The following TXNDC11 variants were observed in gnomAD, a reference collection of about 807,000 sequenced individuals.
TXNDC11 encodes thioredoxin domain-containing protein 11.
In TXNDC11, 68 loss-of-function variants were observed where a neutral mutation model predicts 78.0. The observed-to-expected ratio is 0.87, with a 90% CI of 0.72 to 1.07. The LOEUF (loss-of-function observed/expected upper bound fraction) is 1.07. Among genes scored for constraint, TXNDC11 ranks in the 50% least tolerant of loss-of-function variants. TXNDC11 has a pLI of 0.00. For missense variants in TXNDC11, 1,389 were observed against 1,221.8 expected (o/e 1.14, Z -2.04); for synonymous variants, 571 against 495.2 (o/e 1.15, Z -2.03).
chr16:11,730,696 A>G lies in TXNDC11; in HGVS notation c.648T>C (p.Leu216=). ...ATTCTGATTGAGATGGGATGTAGAG[A>G]AGTGGTTTCATCACCCGGCGGACAA... ...EKFVRRVMKP[L]LYIPSQSELL... The change falls in exon 4 of 12, where the codon CTT becomes CTC. Residue 216 remains leucine, a synonymous_variant. Coordinates refer to ENST00000283033, the MANE Select transcript of TXNDC11 (RefSeq NM_015914.7). 1.2e-6 allele frequency: 2 copies of G among 1,613,830 alleles called. No homozygotes were observed. The highest frequency in any genetic ancestry group is 1.7e-6 in the Non-Finnish European group (2 of 1,179,834).
intron 11 of TXNDC11, among the ~76,000 whole-genome samples, chr16:11,682,330 T>C (rs1219404961): frequency 1.3e-5 from 2 of 152,248 alleles, no homozygotes; most frequent in African/African-American, 2.4e-5. Context: ...CCAACATCCT[T>C]ACATTAAAAG....
intron 5 of TXNDC11, among the ~76,000 whole-genome samples, chr16:11,702,652 T>G (rs1366411390): frequency 6.6e-6 from 1 of 152,224 alleles, no homozygotes; most frequent in Non-Finnish European, 1.5e-5. Flanking sequence ...CACTCTAGCC[T>G]GGGCAACAGA....
intron 7 of TXNDC11, among the ~76,000 whole-genome samples, chr16:11,692,617 A>G (rs1015588072): frequency 6.6e-5 from 10 of 152,192 alleles, no homozygotes; most frequent in African/African-American, 2.2e-4. Flanking sequence ...ATTCGTGTGT[A>G]GTATATACAG....
chr16:11,735,795 T>C (rs1367207953), intron 2 of TXNDC11, among the ~76,000 whole-genome samples: 1 of 152,226 alleles, frequency 6.6e-6, no homozygotes. Context: ...CATTGGCTTG[T>C]GTTATGAGAT....
At chr16:11,701,788 A>G (rs2051033480) in intron 5 of TXNDC11, among the ~76,000 whole-genome samples, 1 of 152,196 alleles carries the variant, frequency 6.6e-6, no homozygotes, top group African/African-American at 2.4e-5. Context: ...AGAAATGAGT[A>G]TTTGATGTGA....
At chr16:11,722,039 T>C (rs2051722717) in intron 4 of TXNDC11, among the ~76,000 whole-genome samples, 1 of 152,226 alleles carries the variant, frequency 6.6e-6, no homozygotes, top group African/African-American at 2.4e-5. Flanking sequence ...TCAATCGCTT[T>C]TAACAACTCC....
At chr16:11,727,548 G>A (rs1300691574) in intron 4 of TXNDC11, among the ~76,000 whole-genome samples, 1 of 152,048 alleles carries the variant, frequency 6.6e-6, no homozygotes, top group African/African-American at 2.4e-5. Context: ...AAACTGTATA[G>A]GGTTTTTTTG....
intron 5 of TXNDC11, among the ~76,000 whole-genome samples, chr16:11,717,434 G>GAAAAAAAAAAAA (rs58884197): frequency 4.8e-5 from 3 of 62,312 alleles, no homozygotes; most frequent in African/African-American, 6.8e-5. Flanking sequence ...GACTCCAAAT[G>GAAAAAAAAAAAA]AAAAAAAAAA....
Position 11,687,923 on chromosome 16 carries a change from G to A in TXNDC11, c.2087C>T (p.Pro696Leu). 1.9e-6 allele frequency: 3 copies of A among 1,613,936 alleles called. No individual in the cohort carries two copies. The highest frequency in any genetic ancestry group is 2.5e-6 in the Non-Finnish European group (3 of 1,179,918). The change falls in exon 10 of 12, where the codon CCA (proline) becomes CTA (leucine). Residue 696 changes from proline (P) to leucine (L), a missense_variant. Pro to Leu is a moderately conservative substitution (Grantham distance 98). Coordinates refer to ENST00000283033, the MANE Select transcript of TXNDC11 (RefSeq NM_015914.7). ...LYYAPWCGFC[P>L]SLNHIFIQLA... ...CTGGATGAAGATGTGATTGAGGGATGGACAGAAGCCGCACCACGGAGCGTA... is the reference window on the plus strand; with the variant it reads ...CTGGATGAAGATGTGATTGAGGGATAGACAGAAGCCGCACCACGGAGCGTA...
chr16:11,700,482 C>T lies in TXNDC11; in HGVS notation c.876G>A (p.Val292=), dbSNP rs778703009. 12 of 1,579,204 alleles carry T rather than the reference C, an allele frequency of 7.6e-6. No homozygotes were observed. The highest frequency in any genetic ancestry group is 1.0e-5 in the Non-Finnish European group (12 of 1,150,406). ...ATGTGTTGAAATGTCTATGTAAATACACACTTCCAGAGTGTACTAAGGATA... is the reference window on the plus strand; with the variant it reads ...ATGTGTTGAAATGTCTATGTAAATATACACTTCCAGAGTGTACTAAGGATA... ...KLVSLVHSGS[V]YLHRHFNTSL... Residue 292 remains valine (V), a synonymous_variant, in exon 6 of 12, where the codon GTG becomes GTA. Transcript: ENST00000283033.
Position 11,702,089 on chromosome 16 carries a change from T to TGC in TXNDC11, c.794-1526_794-1525insGC, listed in dbSNP as rs199833383. Among the ~76,000 whole-genome samples, 704 of 135,490 alleles carry TGC rather than the reference T, an allele frequency of 5.2e-3. 10 individuals are homozygous for TGC. Among genetic ancestry groups the TGC allele is most frequent in the African/African-American group, 0.02 (681 of 33,738 alleles). The allele number at this position is 135,490 out of a possible 152,430, so 88.9% of individuals were successfully genotyped here. ...GTATGTGTGTGTGTGTATGTATGTATGTGTATATATATATATATATATATG... is the reference window on the plus strand; with the variant it reads ...GTATGTGTGTGTGTGTATGTATGTATGCGTGTATATATATATATATATATATG... On this transcript the variant is annotated intron_variant, in intron 5 of 11. Coordinates refer to ENST00000283033, the MANE Select transcript of TXNDC11 (RefSeq NM_015914.7).
chr16:11,734,238 T>C lies in TXNDC11; in HGVS notation c.472-159A>G, dbSNP rs1337913705. On this transcript the variant is annotated intron_variant, in intron 2 of 11. Transcript: ENST00000283033. ...GTTTTCAAAGGTCATAATTTATCAC[T>C]AAAACAAAAAAGAAAGACATACTCT... Among the ~76,000 whole-genome samples, 3 of 152,292 alleles carry C rather than the reference T, an allele frequency of 2.0e-5. No homozygotes were observed. In the East Asian group the frequency reaches 5.8e-4, roughly 29 times the overall value.
intron 3 of TXNDC11, among the ~76,000 whole-genome samples, chr16:11,733,349 C>T (rs1186150928): frequency 2.6e-5 from 4 of 151,988 alleles, no homozygotes; most frequent in African/African-American, 9.7e-5. Context: ...GGCGGTAAAA[C>T]CCTGTCTCTA....
chr16:11,691,669 T>G lies in TXNDC11; in HGVS notation c.1521A>C (p.Ala507=), dbSNP rs1156577286. ...TSYSPFSYYT[A]CCRTISRGVS... ...CACCCCTGCTTATGGTCCTGCAACA[T>G]GCAGTGTAGTAGCTGAAGGGGCTAT... The change falls in exon 8 of 12, where the codon GCA becomes GCC. Residue 507 remains alanine, a synonymous_variant. Transcript: ENST00000283033. The G allele has an allele frequency of 1.2e-6, 2 of 1,614,212 alleles. No individual in the cohort carries two copies. Among genetic ancestry groups the G allele is most frequent in the Non-Finnish European group, 1.7e-6 (2 of 1,180,032 alleles).
At position 11,713,813 on chromosome 16, in the gene TXNDC11, A is replaced by G. The variant is rs1208319952; in HGVS notation, c.793+7764T>C. Among the ~76,000 whole-genome samples the G allele has an allele frequency of 2.0e-5, 3 of 151,986 alleles. No individual in the cohort carries two copies. The East Asian group carries it at 5.8e-4, about 29-fold the overall frequency. ...AGATAGTTAGAAAAAGGTCTCCCCC[A>G]TGAGTGAGTATAGTGACAACAAATG... On this transcript the variant is annotated intron_variant, in intron 5 of 11. Transcript: ENST00000283033.
intron 5 of TXNDC11, among the ~76,000 whole-genome samples, chr16:11,702,748 G>A (rs1221293121): frequency 6.6e-6 from 1 of 152,114 alleles, no homozygotes; most frequent in Non-Finnish European, 1.5e-5. Flanking sequence ...TACACAAGTA[G>A]CTAAGATATA....
chr16:11,683,320 A>C (rs923634242), intron 11 of TXNDC11, among the ~76,000 whole-genome samples: 17 of 152,166 alleles, frequency 1.1e-4, no homozygotes, highest in African/African-American at 4.1e-4. Context: ...TCAAGCGACC[A>C]TCCCATGGCG....
At chr16:11,713,271 ACT>A (rs957430332) in intron 5 of TXNDC11, among the ~76,000 whole-genome samples, 10 of 143,212 alleles carry the variant, frequency 7.0e-5, no homozygotes, top group Non-Finnish European at 1.5e-4. Context: ...ACAGAGTGAG[ACT>A]CTGTCTCAAA....
At chr16:11,700,152 C>A (rs78483780) in intron 6 of TXNDC11, among the ~76,000 whole-genome samples, 1,597 of 152,316 alleles carry the variant, frequency 0.01, 34 homozygotes, top group African/African-American at 0.036. Flanking sequence ...AGTAACAATT[C>A]TTCAAGAGAG....
Sources: gnomAD v4.1 joint callset for allele counts (sites outside exome capture counted in the v4.1 genomes callset) on GRCh38, gnomAD v4.1.1 for gene constraint, MANE v1.5 for transcripts, NCBI Gene and HGNC (gene_info 2026-07-23, HGNC 2026-07-21) for gene names.